CLCN1: variants seen among roughly 807,000 people sequenced by gnomAD.
CLCN1 encodes chloride channel protein 1.
CLCN1 carries 100 observed loss-of-function variants against 114.5 expected under a neutral mutation model. That is an observed-to-expected ratio of 0.87 (90% confidence interval 0.74 to 1.03). CLCN1 has a LOEUF of 1.03. Among genes scored for constraint, CLCN1 ranks in the 50% least tolerant of loss-of-function variants. The pLI is 0.00. For synonymous variants in CLCN1, 485 were observed against 487.1 expected (o/e 1.00, Z 0.06); for missense variants, 1,188 against 1,250.0 (o/e 0.95, Z 0.75).
rs1442589988 is a variant in CLCN1 at position 143,345,750 on chromosome 7, T to C, written c.2160T>C (p.Ser720=). ...ATGAGGATGAGGACGAAGACCTCTCTGGCAAGAGCGAGGTGACCGCGCCGG... is the reference window on the plus strand; with the variant it reads ...ATGAGGATGAGGACGAAGACCTCTCCGGCAAGAGCGAGGTGACCGCGCCGG... ...FVDEDEDEDL[S]GKSELPPSLA... is the part of the protein sequence containing the mutation. Residue 720 remains serine (S), a synonymous_variant, in exon 17 of 23, where the codon TCT becomes TCC. Coordinates refer to ENST00000343257, the MANE Select transcript of CLCN1 (RefSeq NM_000083.3). 45 of 1,602,976 alleles carry C rather than the reference T, an allele frequency of 2.8e-5. No homozygotes were observed. The highest frequency in any genetic ancestry group is 3.7e-5 in the Non-Finnish European group (43 of 1,175,834).
In CLCN1 at chr7:143,352,078, C is replaced by T. The variant is rs1002134232; in HGVS notation, c.*113C>T. ...CGAGGTCATGCCAATGTCGTGGCCT[C>T]TTCCAGGAATTTTTTAATGTGATAG... is the stretch of plus-strand genomic sequence containing the variant. On this transcript the variant is annotated 3_prime_UTR_variant, in exon 23 of 23. Coordinates refer to ENST00000343257, the MANE Select transcript of CLCN1 (RefSeq NM_000083.3). 1 of 1,354,066 alleles carries T rather than the reference C, an allele frequency of 7.4e-7. No individual in the cohort carries two copies. The highest frequency in any genetic ancestry group is 1.0e-6 in the Non-Finnish European group (1 of 953,926). 83.9% of individuals were successfully genotyped at this position (1,354,066 alleles called of 1,614,324 possible).
intron 6 of CLCN1, chr7:143,323,903 T>A (rs1802516017): frequency 2.1e-6 from 1 of 468,920 alleles, no homozygotes; most frequent in African/African-American, 2.0e-5. Context: ...CGGAGGCAAG[T>A]TGCACTTCCT....
In CLCN1 at chr7:143,342,099, A is replaced by G. The variant is rs1438174452; in HGVS notation, c.1753A>G (p.Lys585Glu). The G allele has an allele frequency of 5.0e-6, 8 of 1,614,174 alleles. No individual in the cohort carries two copies. The South Asian group carries it at 8.8e-5, about 18-fold the overall frequency. Residue 585 changes from lysine (K) to glutamate (E), a missense_variant, in exon 15 of 23, where the codon AAG becomes GAG. Coordinates refer to ENST00000343257, the MANE Select transcript of CLCN1 (RefSeq NM_000083.3). ...PSLYDSIIQV[K>E]KLPYLPDLGW... ...TCTCTATGACAGCATCATCCAGGTC[A>G]AGAAGCTACCCTACTTGCCTGACCT...
intron 10 of CLCN1, among the ~76,000 whole-genome samples, chr7:143,331,855 G>A (rs1802733353): frequency 6.6e-6 from 1 of 152,152 alleles, no homozygotes; most frequent in Non-Finnish European, 1.5e-5. Context: ...TTGAGACAGA[G>A]TCTCACTCCA....
chr7:143,332,588 G>C, intron 11 of CLCN1, 85 bp downstream of exon 11: 1 of 1,518,060 alleles, frequency 6.6e-7, no homozygotes, highest in Admixed American at 1.7e-5. Context: ...TTTGTCCAAG[G>C]ATAGACTTTC....
intron 7 of CLCN1, among the ~76,000 whole-genome samples, chr7:143,325,316 T>C (rs1370292701): frequency 6.6e-6 from 1 of 152,252 alleles, no homozygotes; most frequent in Non-Finnish European, 1.5e-5. Flanking sequence ...AGGTTTCTTT[T>C]CAGTTATGGA....
Position 143,346,180 on chromosome 7 carries a change from C to A in CLCN1, c.2213C>A (p.Pro738His). ...GCTCTCCACCCCTCTACTACTGCCC[C>A]TCTGTCCCCAGAAGAGCCCAATGGG... ...SLALHPSTTAPLSPEEPNGPL... is the reference protein window; with the variant it reads ...SLALHPSTTAHLSPEEPNGPL... Residue 738 changes from proline to histidine, a missense_variant, in exon 18 of 23, where the codon CCT becomes CAT. Transcript: ENST00000343257. The A allele has an allele frequency of 6.2e-7, 1 of 1,613,692 alleles. No homozygotes were observed. Among genetic ancestry groups the A allele is most frequent in the Non-Finnish European group, 8.5e-7 (1 of 1,179,666 alleles).
In CLCN1 at chr7:143,324,564, C is replaced by A; in HGVS notation, c.853+72C>A. 8.9e-7 allele frequency: 1 copy of A among 1,127,106 alleles called. No homozygotes were observed. The highest frequency in any genetic ancestry group is 1.4e-6 in the Non-Finnish European group (1 of 738,800). The allele number at this position is 1,127,106 out of a possible 1,614,324, so 69.8% of individuals were successfully genotyped here. ...CTCCCAAAACAGTTTTAATCAGTAT[C>A]CACAAGTGCTGGTATTACCAGGTTA... On this transcript the variant is annotated intron_variant, in intron 7 of 22. Coordinates refer to ENST00000343257, the MANE Select transcript of CLCN1 (RefSeq NM_000083.3). This position sits in a 1 kb window ranked among gnomAD's most constrained non-coding sequence, Gnocchi z 4.6.
At position 143,316,243 on chromosome 7, in the gene CLCN1, G is replaced by A. The variant is rs1210604442; in HGVS notation, c.31G>A (p.Gly11Ser). The A allele has an allele frequency of 1.9e-6, 3 of 1,613,662 alleles. No homozygotes were observed. The highest frequency in any genetic ancestry group is 4.5e-5 in the East Asian group (2 of 44,874). The change falls in exon 1 of 23, where the codon GGT becomes AGT. Residue 11 changes from glycine (G) to serine (S), a missense_variant. By Grantham distance (56) the Gly-to-Ser change is moderately conservative (BLOSUM62 0). Coordinates refer to ENST00000343257, the MANE Select transcript of CLCN1 (RefSeq NM_000083.3). ...GCAATCCCGGTCACAGCAGCGTGGGGGTGAACAAAGCTGGTGGGGTAGTGA... is the reference window on the plus strand; with the variant it reads ...GCAATCCCGGTCACAGCAGCGTGGGAGTGAACAAAGCTGGTGGGGTAGTGA... MEQSRSQQRG[G>S]EQSWWGSDPQ...
Position 143,341,945 on chromosome 7 carries a change from T to C in CLCN1, c.1599T>C (p.Thr533=). The change falls in exon 15 of 23, where the codon ACT becomes ACC. Residue 533 remains threonine, a synonymous_variant. Transcript: ENST00000343257. ...GYAVIGAAAL[T]GAVSHTVSTA... Reference sequence around the variant, plus strand: ...TCATTCTAGGAGCAGCAGCGCTGACTGGTGCCGTTTCCCACACAGTCTCCA... The same window carrying C: ...TCATTCTAGGAGCAGCAGCGCTGACCGGTGCCGTTTCCCACACAGTCTCCA... The C allele has an allele frequency of 6.2e-7, 1 of 1,613,698 alleles. No homozygotes were observed. The highest frequency in any genetic ancestry group is 8.5e-7 in the Non-Finnish European group (1 of 1,180,006).
In CLCN1 at chr7:143,321,274, C is replaced by G; in HGVS notation, c.434-91C>G. On this transcript the variant is annotated intron_variant, in intron 3 of 22. Coordinates refer to ENST00000343257, the MANE Select transcript of CLCN1 (RefSeq NM_000083.3). This position sits in a 1 kb window ranked among gnomAD's most constrained non-coding sequence, Gnocchi z 4.2. ...TCAGAAGGGGCACACAGAAGGAGCA[C>G]GGCCTGAGAACATGCCGGGTACACG... The G allele has an allele frequency of 6.7e-7, 1 of 1,483,898 alleles. No homozygotes were observed. Among genetic ancestry groups the G allele is most frequent in the South Asian group, 1.2e-5 (1 of 85,466 alleles). 91.9% of individuals were successfully genotyped at this position (1,483,898 alleles called of 1,614,324 possible). A position where few individuals can be genotyped will look rare whatever the true frequency, so the allele number is the denominator to read the frequency against.
At chr7:143,330,559 G>C (rs527237919) in intron 7 of CLCN1, among the ~76,000 whole-genome samples, 1 of 152,192 alleles carries the variant, frequency 6.6e-6, no homozygotes, top group East Asian at 1.9e-4. Flanking sequence ...TCTCTGTGTT[G>C]GACCCATCCC....
intron 1 of CLCN1, among the ~76,000 whole-genome samples, chr7:143,318,302 A>T (rs1396312166): frequency 6.6e-6 from 1 of 151,986 alleles, no homozygotes; most frequent in Non-Finnish European, 1.5e-5. Context: ...AGCTCACCGC[A>T]ATCTCCGCCT....
rs1187771746 is a variant in CLCN1, at chr7:143,342,444, G to A, written c.1869G>A (p.Gly623=). ...VKFVSASYTY[G]ELRTLLQTTT... ...TTGTTTCAGCTTCTTACACATATGG[G>A]GAGTTGCGAACCCTGCTCCAGACCA... Residue 623 remains glycine (G), a synonymous_variant, in exon 16 of 23, where the codon GGG becomes GGA. Transcript: ENST00000343257. The A allele has an allele frequency of 6.8e-6, 11 of 1,613,882 alleles. No homozygotes were observed. The highest frequency in any genetic ancestry group is 1.3e-5 in the African/African-American group (1 of 74,884).
chr7:143,342,177 A>T, intron 15 of CLCN1, 35 bp downstream of exon 15: 1 of 1,596,278 alleles, frequency 6.3e-7, no homozygotes, highest in South Asian at 1.1e-5. Flanking sequence ...TTCAGATCTG[A>T]TGGGGAGAGT....
At chr7:143,316,473 G>A (rs1215898005) in intron 1 of CLCN1, 81 bp downstream of exon 1, 2 of 1,271,100 alleles carry the variant, frequency 1.6e-6, no homozygotes, top group African/African-American at 1.5e-5. Flanking sequence ...GAGGAATTGG[G>A]TGAAAAGAGG....
chr7:143,331,497 A>G (rs1019543169), intron 9 of CLCN1, 54 bp from the exon 10 acceptor site: 4 of 1,336,146 alleles, frequency 3.0e-6, no homozygotes, highest in Admixed American at 3.4e-5. Context: ...GTTATGTCCA[A>G]GAGATGAGGA....
intron 2 of CLCN1, 95 bp from the exon 3 acceptor site, chr7:143,320,558 TCTCTCTCTCTC>T: frequency 1.2e-6 from 1 of 808,138 alleles, no homozygotes; most frequent in Non-Finnish European, 1.9e-6. Context: ...TGCTTTTCTC[TCTCTCTCTCTC>T]TCTCTCTCTC....
In CLCN1 at chr7:143,351,762, G is replaced by A. The variant is rs768328274; in HGVS notation, c.2764G>A (p.Val922Met). 2.5e-5 allele frequency: 41 copies of A among 1,614,066 alleles called. No homozygotes were observed. Among genetic ancestry groups the A allele is most frequent in the Non-Finnish European group, 3.5e-5 (41 of 1,180,038 alleles). Residue 922 changes from valine (V) to methionine (M), a missense_variant, in exon 23 of 23, where the codon GTG becomes ATG. Val to Met is a conservative substitution (Grantham distance 21). Transcript: ENST00000343257. Reference protein sequence around the residue: ...DRPGATGTGDVIAASPETPVP... With the variant: ...DRPGATGTGDMIAASPETPVP... ...GCCTGGGGCCACTGGAACAGGGGAT[G>A]TGATTGCTGCCTCCCCAGAGACCCC... is the stretch of plus-strand genomic sequence containing the variant.
Sources: allele counts gnomAD v4.1 joint callset (sites outside exome capture counted in the v4.1 genomes callset), GRCh38; gene constraint gnomAD v4.1.1; non-coding constraint Gnocchi (gnomAD v3.1); transcripts MANE v1.5; gene names NCBI Gene and HGNC (gene_info 2026-07-23, HGNC 2026-07-21).